Variants in PHACTR3 observed in about 807,000 individuals in gnomAD.
PHACTR3 encodes phosphatase and actin regulator 3, also known as protein phosphatase 1, regulatory subunit 123.
A neutral mutation model predicts 66.8 loss-of-function variants in PHACTR3; 16 were observed. That is an observed-to-expected ratio of 0.24 (90% confidence interval 0.16 to 0.36). The LOEUF is 0.36. Among genes scored for constraint, PHACTR3 ranks in the 10% least tolerant of loss-of-function variants. PHACTR3 has a pLI of 1.00. For missense variants in PHACTR3, 647 were observed against 719.9 expected, an observed-to-expected ratio of 0.90 and a Z score of 1.16; for synonymous variants, 323 against 292.1, an observed-to-expected ratio of 1.11 and a Z score of -1.08.
chr20:59,826,803 C>G (rs2042205037), intron 8 of PHACTR3, among the ~76,000 whole-genome samples: 1 of 152,224 alleles, frequency 6.6e-6, no homozygotes, highest in African/African-American at 2.4e-5. Flanking sequence ...CTTCCTCACT[C>G]CACTTTCCTC....
At chr20:59,592,290 C>A (rs746233874) in intron 1 of PHACTR3, among the ~76,000 whole-genome samples, 1 of 152,134 alleles carries the variant, frequency 6.6e-6, no homozygotes, top group East Asian at 1.9e-4. Flanking sequence ...TAAACCATGA[C>A]CTTTCTTTCT....
At chr20:59,635,616 T>C (rs1000087929) in intron 1 of PHACTR3, among the ~76,000 whole-genome samples, 2 of 152,202 alleles carry the variant, frequency 1.3e-5, no homozygotes, top group Non-Finnish European at 2.9e-5. Flanking sequence ...GTGTGAACTA[T>C]TTGGTAAACA....
At chr20:59,734,530 C>T (rs1191941212) in intron 1 of PHACTR3, among the ~76,000 whole-genome samples, 2 of 152,072 alleles carry the variant, frequency 1.3e-5, no homozygotes, top group Non-Finnish European at 2.9e-5. Flanking sequence ...GCCACTGAGC[C>T]CAGGCCTAAA....
chr20:59,614,872 C>T (rs2033977796), intron 1 of PHACTR3, among the ~76,000 whole-genome samples: 1 of 152,108 alleles, frequency 6.6e-6, no homozygotes, highest in Admixed American at 6.6e-5. Context: ...TCTTAGGCAG[C>T]GTTACTCCTG....
At chr20:59,767,149 A>C (rs1186975731) in intron 4 of PHACTR3, 37 bp from the exon 5 acceptor site, 1 of 1,607,750 alleles carries the variant, frequency 6.2e-7, no homozygotes, top group Non-Finnish European at 8.5e-7. Context: ...TGTCAGAGGA[A>C]ACATGTTTTT....
chr20:59,775,281 G>A (rs560253751), intron 7 of PHACTR3, among the ~76,000 whole-genome samples: 1 of 152,276 alleles, frequency 6.6e-6, no homozygotes, highest in African/African-American at 2.4e-5. Flanking sequence ...CGGCCGTGGT[G>A]TTTGGCCTGC....
chr20:59,788,268 G>A (rs979113727), intron 7 of PHACTR3, among the ~76,000 whole-genome samples: 2 of 152,126 alleles, frequency 1.3e-5, no homozygotes, highest in East Asian at 1.9e-4. Flanking sequence ...CCACGTCATC[G>A]TACAGATGCG....
upstream of PHACTR3, chr20:59,604,516 A>G (rs990868558): frequency 3.2e-6 from 2 of 617,626 alleles, no homozygotes; most frequent in African/African-American, 2.0e-5. Context: ...ATGTTTTCCA[A>G]CAGATGCTCC....
intron 1 of PHACTR3, among the ~76,000 whole-genome samples, chr20:59,739,318 G>A (rs2039066775): frequency 6.6e-6 from 1 of 152,160 alleles, no homozygotes; most frequent in Non-Finnish European, 1.5e-5. Context: ...TGTGGACACA[G>A]CACCTAGCAC....
At chr20:59,831,104 G>C (rs2042358739) in intron 8 of PHACTR3, among the ~76,000 whole-genome samples, 3 of 152,326 alleles carry the variant, frequency 2.0e-5, no homozygotes, top group African/African-American at 7.2e-5. Flanking sequence ...GACTGCTACA[G>C]ATCTGTCGTG....
intron 8 of PHACTR3, among the ~76,000 whole-genome samples, chr20:59,806,889 C>T (rs143235840): frequency 7.9e-5 from 12 of 152,278 alleles, no homozygotes; most frequent in South Asian, 2.1e-4. Context: ...AATTCTAGCA[C>T]GTTATGGTAT....
At chr20:59,607,019 A>C (rs2033693996) in intron 1 of PHACTR3, among the ~76,000 whole-genome samples, 1 of 152,198 alleles carries the variant, frequency 6.6e-6, no homozygotes, top group South Asian at 2.1e-4. Flanking sequence ...AGAGAATCAG[A>C]ATCATCAAGT....
intron 1 of PHACTR3, among the ~76,000 whole-genome samples, chr20:59,725,488 A>T (rs1312481883): frequency 6.6e-6 from 1 of 152,182 alleles, no homozygotes. Context: ...CTCAGTGAGG[A>T]CAGACACCAC....
At chr20:59,784,614 C>T (rs1159351764) in intron 7 of PHACTR3, among the ~76,000 whole-genome samples, 1 of 152,000 alleles carries the variant, frequency 6.6e-6, no homozygotes, top group Non-Finnish European at 1.5e-5. Context: ...CAGTGTGAGA[C>T]CTAGGGACTG....
chr20:59,711,358 T>G (rs936575423), intron 1 of PHACTR3, among the ~76,000 whole-genome samples: 3 of 152,192 alleles, frequency 2.0e-5, no homozygotes, highest in African/African-American at 7.2e-5. Flanking sequence ...TTGCCAAACG[T>G]TTTCTCAGAA....
intron 1 of PHACTR3, among the ~76,000 whole-genome samples, chr20:59,632,032 C>T (rs538366472): frequency 2.0e-5 from 3 of 152,314 alleles, no homozygotes; most frequent in East Asian, 1.9e-4. Flanking sequence ...GCCTCCCTAT[C>T]GTCCTCACCT....
chr20:59,579,713 C>T (rs2032808577), intron 1 of PHACTR3, among the ~76,000 whole-genome samples: 1 of 152,190 alleles, frequency 6.6e-6, no homozygotes, highest in African/African-American at 2.4e-5. Context: ...GCTATGGCAG[C>T]AGAGTTGCCA....
chr20:59,609,980 C>T (rs377238817), intron 1 of PHACTR3, among the ~76,000 whole-genome samples: 1 of 152,166 alleles, frequency 6.6e-6, no homozygotes, highest in East Asian at 1.9e-4. Context: ...CCTAGCTGGG[C>T]ATGGTGGTCA....
intron 1 of PHACTR3, among the ~76,000 whole-genome samples, chr20:59,644,494 G>A (rs1041360562): frequency 6.6e-6 from 1 of 152,150 alleles, no homozygotes; most frequent in Non-Finnish European, 1.5e-5. Context: ...CCAACAGGGG[G>A]CGGGAGCTGA....
Sources: gnomAD v4.1 joint callset for allele counts (sites outside exome capture counted in the v4.1 genomes callset) on GRCh38, gnomAD v4.1.1 for gene constraint, MANE v1.5 for transcripts, NCBI Gene and HGNC (gene_info 2026-07-23, HGNC 2026-07-21) for gene names.